VAX1: variants seen among roughly 807,000 people sequenced by gnomAD.
The protein encoded by VAX1 is ventral anterior homeobox 1.
Under a neutral mutation model 17.6 loss-of-function variants are expected in VAX1, and 6 were observed. That is an observed-to-expected ratio of 0.34 (90% CI 0.19 to 0.67). The LOEUF is 0.67. Among genes scored for constraint, VAX1 ranks in the 30% least tolerant of loss-of-function variants. The pLI, the probability that VAX1 is intolerant of heterozygous loss-of-function variation, is 0.69. For missense variants in VAX1, 408 were observed against 463.7 expected (o/e 0.88, Z 1.10); for synonymous variants, 256 against 227.4 (o/e 1.13, Z -1.13).
chr10:117,136,465 C>G lies in VAX1; in HGVS notation c.429+7G>C. The G allele has an allele frequency of 6.2e-7, 1 of 1,612,342 alleles. No individual in the cohort carries two copies. The highest frequency in any genetic ancestry group is 8.5e-7 in the Non-Finnish European group (1 of 1,179,896). On this transcript the variant is annotated splice_region_variant and intron_variant, in intron 2 of 2. Transcript: ENST00000369206. The surrounding 1 kb of genome is among the most constrained non-coding windows in gnomAD (Gnocchi z 5.0). ...GCAGAACTGTGTGCGGCCTGGTCGC[C>G]GGGTACCTGGGTCTCGGAGAGGTTA...
In VAX1 at chr10:117,134,417, G is replaced by A. The variant is rs993656136; in HGVS notation, c.596C>T (p.Pro199Leu). 8 of 1,494,240 alleles carry A rather than the reference G, an allele frequency of 5.4e-6. No homozygotes were observed. Among genetic ancestry groups the A allele is most frequent in the Admixed American group, 2.2e-5 (1 of 46,502 alleles). 92.6% of individuals were successfully genotyped at this position (1,494,240 alleles called of 1,614,324 possible). The change falls in exon 3 of 3, where the codon CCT becomes CTT. Residue 199 changes from proline to leucine, a missense_variant. This residue lies in a region of VAX1 where 196 missense variants were observed against 218.7 expected (regional missense o/e 0.90). Coordinates refer to ENST00000369206, the MANE Select transcript of VAX1 (RefSeq NM_001112704.2). This position sits in a 1 kb window ranked among gnomAD's most constrained non-coding sequence, Gnocchi z 6.2. ...TGAGCCGAGAGCGCCCGTGGCGCAA[G>A]GCGGCAGCAGCGCAGGCAGGCCGGG... ...SPPGLPALLP[P>L]CATGALGSAL... is the part of the protein sequence containing the mutation.
At position 117,136,426 on chromosome 10, in the gene VAX1, G is replaced by A. The variant is rs1564971628; in HGVS notation, c.429+46C>T. ...AGAGCAGGCTAGGTAGGGGTGGTGG[G>A]GAGGAAGGCTGGTGCAGAACTGTGT... On this transcript the variant is annotated intron_variant, in intron 2 of 2. Coordinates refer to ENST00000369206, the MANE Select transcript of VAX1 (RefSeq NM_001112704.2). The surrounding 1 kb of genome is among the most constrained non-coding windows in gnomAD (Gnocchi z 5.0). 4 of 1,606,478 alleles carry A rather than the reference G, an allele frequency of 2.5e-6. No individual in the cohort carries two copies. Among genetic ancestry groups the A allele is most frequent in the East Asian group, 2.2e-5 (1 of 44,742 alleles).
Position 117,134,400 on chromosome 10 carries a change from G to A in VAX1, c.613C>T (p.Leu205Phe). The A allele has an allele frequency of 2.7e-6, 4 of 1,471,544 alleles. No homozygotes were observed. The highest frequency in any genetic ancestry group is 2.9e-5 in the African/African-American group (2 of 67,940). The allele number at this position is 1,471,544 out of a possible 1,614,324, so 91.2% of individuals were successfully genotyped here. ...CTGGGCCCGCGCAGCGCTGAGCCGA[G>A]AGCGCCCGTGGCGCAAGGCGGCAGC... Reference protein sequence around the residue: ...ALLPPCATGALGSALRGPSLP... With the variant: ...ALLPPCATGAFGSALRGPSLP... The change falls in exon 3 of 3, where the codon CTC becomes TTC. Residue 205 changes from leucine (L) to phenylalanine (F), a missense_variant. Leu to Phe is a conservative substitution (Grantham distance 22). Coordinates refer to ENST00000369206, the MANE Select transcript of VAX1 (RefSeq NM_001112704.2). The surrounding 1 kb of genome is among the most constrained non-coding windows in gnomAD (Gnocchi z 6.2).
rs1854202276 is a variant in VAX1, at chr10:117,137,536, G to A, written c.241+280C>T. Among the ~76,000 whole-genome samples, 1 of 152,194 alleles carries A rather than the reference G, an allele frequency of 6.6e-6. No individual in the cohort carries two copies. Among genetic ancestry groups the A allele is most frequent in the African/African-American group, 2.4e-5 (1 of 41,466 alleles). On this transcript the variant is annotated intron_variant, in intron 1 of 2. Coordinates refer to ENST00000369206, the MANE Select transcript of VAX1 (RefSeq NM_001112704.2). This position sits in a 1 kb window ranked among gnomAD's most constrained non-coding sequence, Gnocchi z 7.4. The stretch of plus-strand genomic sequence containing the variant: ...TTTCTGCTCCTTTCCCGGGTCGGAG[G>A]CCGCAGCCCGATGCCCGGCCGCACC...
At chr10:117,132,234 C>T, downstream of VAX1, 2 of 1,614,060 alleles carry the variant, frequency 1.2e-6, no homozygotes, top group Admixed American at 1.7e-5. This position sits in a 1 kb window ranked among gnomAD's most constrained non-coding sequence, Gnocchi z 4.9. Context: ...CCCTCTGCCC[C>T]CGGAGTCCCC....
At position 117,134,277 on chromosome 10, in the gene VAX1, C is replaced by A; in HGVS notation, c.736G>T (p.Ala246Ser). The A allele has an allele frequency of 1.6e-6, 2 of 1,259,156 alleles. No individual in the cohort carries two copies. The highest frequency in any genetic ancestry group is 9.9e-7 in the Non-Finnish European group (1 of 1,006,640). The allele number at this position is 1,259,156 out of a possible 1,614,324, so 78.0% of individuals were successfully genotyped here. Residue 246 changes from alanine (A) to serine (S), a missense_variant, in exon 3 of 3, where the codon GCT becomes TCT. Around this residue, in one of 4 missense-constraint regions of VAX1, gnomAD observed 196 missense variants for 218.7 expected, o/e 0.90. Coordinates refer to ENST00000369206, the MANE Select transcript of VAX1 (RefSeq NM_001112704.2). This position sits in a 1 kb window ranked among gnomAD's most constrained non-coding sequence, Gnocchi z 6.2. ...CCGGGACCTGGAGCACCGCCCACAG[C>A]CGGCGGGTGCGGGGATGCAGCGCCC... ...PAGAASPHPP[A>S]VGGAPGPGPA...
downstream of VAX1, chr10:117,130,952 C>A (rs2059865890): frequency 6.6e-6 from 1 of 152,546 alleles, no homozygotes; most frequent in African/African-American, 2.4e-5. Flanking sequence ...CAGGCTGAGG[C>A]CCCTGGGAGA....
In VAX1 at chr10:117,137,221, G is replaced by A. The variant is rs879781549; in HGVS notation, c.242-562C>T. Reference sequence around the variant, plus strand: ...TCGCAGCCTCCGCCGCCGGGGCTAAGTGCACGCCGCGCCATCCGAGAGCGG... The same window carrying A: ...TCGCAGCCTCCGCCGCCGGGGCTAAATGCACGCCGCGCCATCCGAGAGCGG... On this transcript the variant is annotated intron_variant, in intron 1 of 2. Transcript: ENST00000369206. This position sits in a 1 kb window ranked among gnomAD's most constrained non-coding sequence, Gnocchi z 7.4. 6.6e-6 allele frequency among the ~76,000 whole-genome samples: 1 copy of A among 152,126 alleles called. No individual in the cohort carries two copies. Among genetic ancestry groups the A allele is most frequent in the Non-Finnish European group, 1.5e-5 (1 of 67,998 alleles).
At chr10:117,135,856 A>G (rs1384304144) in intron 2 of VAX1, among the ~76,000 whole-genome samples, 1 of 152,204 alleles carries the variant, frequency 6.6e-6, no homozygotes, top group Non-Finnish European at 1.5e-5. Context: ...CTCACACATC[A>G]CTGGCCCAGA....
Position 117,137,415 on chromosome 10 carries a change from C to T in VAX1, c.241+401G>A, listed in dbSNP as rs1397750896. Among the ~76,000 whole-genome samples the T allele has an allele frequency of 6.6e-6, 1 of 152,226 alleles. No homozygotes were observed. Among genetic ancestry groups the T allele is most frequent in the African/African-American group, 2.4e-5 (1 of 41,464 alleles). The stretch of plus-strand genomic sequence containing the variant: ...GCTGTTCTCCGGGGCTCGCGTTCCC[C>T]CTTGGGTGCGCTCAGCCCTCCAGAG... On this transcript the variant is annotated intron_variant, in intron 1 of 2. Coordinates refer to ENST00000369206, the MANE Select transcript of VAX1 (RefSeq NM_001112704.2). The surrounding 1 kb of genome is among the most constrained non-coding windows in gnomAD (Gnocchi z 7.4).
Position 117,138,010 on chromosome 10 carries a change from G to C in VAX1, c.47C>G (p.Ala16Gly). 5 of 1,606,268 alleles carry C rather than the reference G, an allele frequency of 3.1e-6. No homozygotes were observed. The highest frequency in any genetic ancestry group is 1.7e-4 in the Middle Eastern group (1 of 6,024). Reference sequence around the variant, plus strand: ...GTTCTTCGAGACCCGGGCAGCCTCGGCGTCCGAGTGGCATCGAACGTCCAT... The same window carrying C: ...GTTCTTCGAGACCCGGGCAGCCTCGCCGTCCGAGTGGCATCGAACGTCCAT... ...DKMDVRCHSD[A>G]EAARVSKNAH... The change falls in exon 1 of 3, where the codon GCC (alanine) becomes GGC (glycine). Residue 16 changes from alanine (A) to glycine (G), a missense_variant. Ala to Gly is a moderately conservative substitution (Grantham distance 60, BLOSUM62 0). Transcript: ENST00000369206.
chr10:117,129,857 G>GA (rs537776145), downstream of VAX1: 6 of 149,784 alleles, frequency 4.0e-5, no homozygotes, highest in South Asian at 2.1e-4. Context: ...ACAGTGGCAG[G>GA]AAAAAAAAAG....
Position 117,138,096 on chromosome 10 carries a change from C to CAAAAAAAAAAAAAAAAAAAAAAAAG in VAX1, c.-41_-40insCTTTTTTTTTTTTTTTTTTTTTTTT. 2.8e-6 allele frequency: 1 copy of CAAAAAAAAAAAAAAAAAAAAAAAAG among 352,316 alleles called. No homozygotes were observed. The allele number at this position is 352,316 out of a possible 1,614,324, so 21.8% of individuals were successfully genotyped here. On this transcript the variant is annotated 5_prime_UTR_variant, in exon 1 of 3. Transcript: ENST00000369206. ...ACAAAAACAGAAAGGAAAAAAAAAG[C>CAAAAAAAAAAAAAAAAAAAAAAAAG]AAAAAAAAAAAAAAGGGGGGGGGGC...
At position 117,136,709 on chromosome 10, in the gene VAX1, C is replaced by T. The variant is rs1854186137; in HGVS notation, c.242-50G>A. 1.9e-6 allele frequency: 3 copies of T among 1,564,080 alleles called. No homozygotes were observed. Among genetic ancestry groups the T allele is most frequent in the Non-Finnish European group, 8.7e-7 (1 of 1,151,620 alleles). On this transcript the variant is annotated intron_variant, in intron 1 of 2. Transcript: ENST00000369206. This position sits in a 1 kb window ranked among gnomAD's most constrained non-coding sequence, Gnocchi z 5.0. Reference sequence around the variant, plus strand: ...CCAGAACCCTCCCGTCCCCCTCCACCTCCTTGGCCCGAGCTGGATTTGGGG... The same window carrying T: ...CCAGAACCCTCCCGTCCCCCTCCACTTCCTTGGCCCGAGCTGGATTTGGGG...
Position 117,134,095 on chromosome 10 carries a change from G to A in VAX1, c.918C>T (p.Leu306=). ...AGSLAGNLQE[L]SARYLSSSAF... ...CCGAGGAGCTCAGATATCGGGCGGA[G>A]AGTTCTTGCAAATTCCCAGCTAGCG... The change falls in exon 3 of 3, where the codon CTC becomes CTT. Residue 306 remains leucine (L), a synonymous_variant. Coordinates refer to ENST00000369206, the MANE Select transcript of VAX1 (RefSeq NM_001112704.2). This position sits in a 1 kb window ranked among gnomAD's most constrained non-coding sequence, Gnocchi z 6.2. 6.5e-7 allele frequency: 1 copy of A among 1,538,674 alleles called. No homozygotes were observed. Among genetic ancestry groups the A allele is most frequent in the Middle Eastern group, 1.7e-4 (1 of 5,960 alleles).
chr10:117,133,821 T>C lies in VAX1; in HGVS notation c.*187A>G, dbSNP rs1564970479. On this transcript the variant is annotated 3_prime_UTR_variant, in exon 3 of 3. Transcript: ENST00000369206. Reference sequence around the variant, plus strand: ...TTGGGGAGGAATCTCAGAGGAAAGGTAGTAGAAAAAAAAAATAGCCCGAAT... The same window carrying C: ...TTGGGGAGGAATCTCAGAGGAAAGGCAGTAGAAAAAAAAAATAGCCCGAAT... The C allele has an allele frequency of 7.5e-7, 1 of 1,325,334 alleles. No individual in the cohort carries two copies. The highest frequency in any genetic ancestry group is 4.2e-5 in the Admixed American group (1 of 23,704). The allele number at this position is 1,325,334 out of a possible 1,614,324, so 82.1% of individuals were successfully genotyped here.
At position 117,134,233 on chromosome 10, in the gene VAX1, T is replaced by C. The variant is rs888811740; in HGVS notation, c.780A>G (p.Gly260=). The change falls in exon 3 of 3, where the codon GGA becomes GGG. Residue 260 remains glycine (G), a synonymous_variant. Transcript: ENST00000369206. The surrounding 1 kb of genome is among the most constrained non-coding windows in gnomAD (Gnocchi z 6.2). ...APGPGPAGPG[G]LHAGAPAAGH... ...CCGCGGCCGGGGCGCCTGCGTGCAATCCCCCCGGCCCGGCGGGCCCGGGAC... is the reference window on the plus strand; with the variant it reads ...CCGCGGCCGGGGCGCCTGCGTGCAACCCCCCCGGCCCGGCGGGCCCGGGAC... 3 of 1,431,438 alleles carry C rather than the reference T, an allele frequency of 2.1e-6. No individual in the cohort carries two copies. In the African/African-American group the frequency reaches 4.6e-5, roughly 22 times the overall value. The allele number at this position is 1,431,438 out of a possible 1,614,324, so 88.7% of individuals were successfully genotyped here. A position where few individuals can be genotyped will look rare whatever the true frequency, so the allele number is the denominator to read the frequency against.
Position 117,133,443 on chromosome 10 carries a change from G to T in VAX1, c.*565C>A. 1.0e-6 allele frequency: 1 copy of T among 985,594 alleles called. No individual in the cohort carries two copies. The highest frequency in any genetic ancestry group is 1.2e-6 in the Non-Finnish European group (1 of 830,048). 61.1% of individuals were successfully genotyped at this position (985,594 alleles called of 1,614,324 possible). On this transcript the variant is annotated 3_prime_UTR_variant, in exon 3 of 3. Transcript: ENST00000369206. ...AAAAACCGCAGGATTTGCCCGCCAGGAAGCTGTGTTGTGTACCGACTATCC... is the reference window on the plus strand; with the variant it reads ...AAAAACCGCAGGATTTGCCCGCCAGTAAGCTGTGTTGTGTACCGACTATCC...
rs758932036 is a variant in VAX1, at chr10:117,133,522, G to A, written c.*486C>T. 258 of 985,544 alleles carry A rather than the reference G, an allele frequency of 2.6e-4. 1 individual carries two copies. Among genetic ancestry groups the A allele is most frequent in the Non-Finnish European group, 3.0e-4 (252 of 830,136 alleles). 61.0% of individuals were successfully genotyped at this position (985,544 alleles called of 1,614,324 possible). A position where few individuals can be genotyped will look rare whatever the true frequency, so the allele number is the denominator to read the frequency against. ...GCTCCCACAAGCCCTGGTTTCCCTG[G>A]CAAGAGGAAGGAACGTCCTCCTTTT... On this transcript the variant is annotated 3_prime_UTR_variant, in exon 3 of 3. Coordinates refer to ENST00000369206, the MANE Select transcript of VAX1 (RefSeq NM_001112704.2).
Sources: gnomAD v4.1 joint callset for allele counts (sites outside exome capture counted in the v4.1 genomes callset) on GRCh38, gnomAD v4.1.1 for gene constraint, gnomAD v4.1.1 regional missense constraint, Gnocchi (gnomAD v3.1) non-coding constraint, MANE v1.5 for transcripts, NCBI Gene and HGNC (gene_info 2026-07-23, HGNC 2026-07-21) for gene names.